Variants in OPHN1 observed in about 807,000 individuals in gnomAD.
OPHN1 encodes oligophrenin-1.
In OPHN1, 11 loss-of-function variants were observed where a neutral mutation model predicts 60.7. The observed-to-expected ratio is 0.18, with a 90% CI of 0.11 to 0.30. The LOEUF is 0.30. OPHN1 is among the 10% of genes least tolerant of loss of function. The pLI is 1.00. For synonymous variants in OPHN1, 226 were observed against 222.6 expected (o/e 1.02, Z -0.14); for missense variants, 449 against 611.0 (o/e 0.73, Z 2.80).
intron 15 of OPHN1, among the ~76,000 whole-genome samples, chrX:68,123,110 G>T (rs2077156743): frequency 9.0e-6 from 1 of 111,484 alleles, no homozygotes; most frequent in African/African-American, 3.3e-5. Flanking sequence ...AACATAAAAA[G>T]GAGCTCGAAT....
intron 15 of OPHN1, among the ~76,000 whole-genome samples, chrX:68,180,713 C>T (rs938658796): frequency 8.9e-6 from 1 of 111,831 alleles, no homozygotes; most frequent in African/African-American, 3.2e-5. Flanking sequence ...TTACCACCCA[C>T]ATTAATATGA....
chrX:68,075,565 G>A lies in OPHN1; in HGVS notation c.1687-2266C>T, dbSNP rs140121336. 3.2e-4 allele frequency among the ~76,000 whole-genome samples: 35 copies of A among 110,705 alleles called. No individual in the cohort carries two copies. In the East Asian group the frequency reaches 9.6e-3, roughly 30 times the overall value. ...TGAAAAAGAAAAACAAAGTTGGAAA[G>A]CTAACACTACCTGATTTCAAGTCTT... On this transcript the variant is annotated intron_variant, in intron 19 of 24. Transcript: ENST00000355520.
chrX:68,313,746 C>T (rs1051481214), intron 2 of OPHN1, among the ~76,000 whole-genome samples: 3 of 111,209 alleles, frequency 2.7e-5, no homozygotes, highest in African/African-American at 9.8e-5. Context: ...ATGGGTACAA[C>T]GATATAGTTA....
At chrX:68,084,669 T>C (rs2076988661) in intron 19 of OPHN1, among the ~76,000 whole-genome samples, 1 of 110,852 alleles carries the variant, frequency 9.0e-6, no homozygotes, top group Admixed American at 9.6e-5. Flanking sequence ...GGCCTTAAGA[T>C]AGATATGGGC....
rs190654065 is a variant in OPHN1, at chrX:68,184,848, G to A, written c.1276+8071C>T. Among the ~76,000 whole-genome samples the A allele has an allele frequency of 2.2e-3, 242 of 111,834 alleles. 1 individual carries two copies. Among genetic ancestry groups the A allele is most frequent in the African/African-American group, 7.2e-3 (221 of 30,853 alleles). On this transcript the variant is annotated intron_variant, in intron 15 of 24. Transcript: ENST00000355520. ...TGACCTCAAGTGATCTGCCCGTCTCGGTCTCCCAAAGTGCTGGGATTACCG... is the reference window on the plus strand; with the variant it reads ...TGACCTCAAGTGATCTGCCCGTCTCAGTCTCCCAAAGTGCTGGGATTACCG...
At chrX:68,360,686 GGTAGGAGGAT>G (rs1251591848) in intron 2 of OPHN1, among the ~76,000 whole-genome samples, 1 of 110,929 alleles carries the variant, frequency 9.0e-6, no homozygotes, top group African/African-American at 3.3e-5. Context: ...GGAAGGCTGA[GGTAGGAGGAT>G]GTCTTGAGCC....
chrX:68,378,650 T>C (rs1168747994), intron 2 of OPHN1, among the ~76,000 whole-genome samples: 2 of 112,143 alleles, frequency 1.8e-5, no homozygotes, highest in Admixed American at 1.9e-4. Context: ...TTTCTACATA[T>C]GGCTAGCCAG....
At chrX:68,112,027 A>AT in intron 17 of OPHN1, 68 bp from the exon 18 acceptor site, 1 of 607,135 alleles carries the variant, frequency 1.6e-6, no homozygotes, top group Non-Finnish European at 2.8e-6. Context: ...AAATTCTCAC[A>AT]TATATATGCA....
At chrX:68,269,606 T>G (rs974356967) in intron 5 of OPHN1, among the ~76,000 whole-genome samples, 4 of 111,800 alleles carry the variant, frequency 3.6e-5, no homozygotes, top group African/African-American at 1.3e-4. Context: ...ATTAAAGACT[T>G]ACATGTTAGA....
At chrX:68,145,541 G>A in intron 15 of OPHN1, among the ~76,000 whole-genome samples, 1 of 111,490 alleles carries the variant, frequency 9.0e-6, no homozygotes, top group Non-Finnish European at 1.9e-5. Flanking sequence ...AAGGTGGGGG[G>A]AAGCAAACAC....
intron 5 of OPHN1, among the ~76,000 whole-genome samples, chrX:68,243,439 G>A (rs920774136): frequency 3.6e-5 from 4 of 111,640 alleles, no homozygotes; most frequent in Non-Finnish European, 5.6e-5. Context: ...CCAGGCTGGA[G>A]TGCAGTGGCA....
chrX:68,169,727 T>C (rs1210877085), intron 15 of OPHN1, among the ~76,000 whole-genome samples: 2 of 107,268 alleles, frequency 1.9e-5, no homozygotes, highest in Non-Finnish European at 1.9e-5. Flanking sequence ...TGGCTAGCCA[T>C]ATGTAGAAAG....
At chrX:68,235,607 G>A (rs2077748896) in intron 5 of OPHN1, among the ~76,000 whole-genome samples, 1 of 109,045 alleles carries the variant, frequency 9.2e-6, no homozygotes, top group Non-Finnish European at 1.9e-5. Context: ...GGAGGCCGAG[G>A]CGGGCGGATC....
intron 15 of OPHN1, among the ~76,000 whole-genome samples, chrX:68,153,427 A>C (rs1271539989): frequency 1.8e-5 from 2 of 110,894 alleles, no homozygotes. Flanking sequence ...AATGACTGAA[A>C]TTCTGTAGAA....
intron 16 of OPHN1, among the ~76,000 whole-genome samples, chrX:68,114,103 C>A (rs2077117415): frequency 9.0e-6 from 1 of 110,653 alleles, no homozygotes; most frequent in Non-Finnish European, 1.9e-5. Flanking sequence ...TAGAAAAGAG[C>A]ACCATACACA....
At chrX:68,266,749 C>T (rs1283289375) in intron 5 of OPHN1, among the ~76,000 whole-genome samples, 3 of 111,207 alleles carry the variant, frequency 2.7e-5, no homozygotes, top group Non-Finnish European at 5.6e-5. Flanking sequence ...GATAAAGAGT[C>T]AAGACCCATC....
chrX:68,213,384 A>C (rs72627682), intron 7 of OPHN1, among the ~76,000 whole-genome samples: 1 of 110,243 alleles, frequency 9.1e-6, no homozygotes, highest in Non-Finnish European at 1.9e-5. Context: ...AAATGGAAAA[A>C]TCTACACAAA....
At chrX:68,197,119 A>T in intron 12 of OPHN1, 67 bp downstream of exon 12, 1 of 773,548 alleles carries the variant, frequency 1.3e-6, no homozygotes, top group Non-Finnish European at 2.0e-6. Flanking sequence ...AGACCCACTG[A>T]TACCACTAGA....
chrX:68,262,859 C>CAGGAA (rs1368283191), intron 5 of OPHN1, among the ~76,000 whole-genome samples: 1 of 110,444 alleles, frequency 9.1e-6, no homozygotes, highest in African/African-American at 3.3e-5. Context: ...CAGGACAGGA[C>CAGGAA]AGGACAGGAC....
Sources: gnomAD v4.1 joint callset for allele counts (sites outside exome capture counted in the v4.1 genomes callset) on GRCh38, gnomAD v4.1.1 for gene constraint, MANE v1.5 for transcripts, NCBI Gene and HGNC (gene_info 2026-07-23, HGNC 2026-07-21) for gene names.